Variants in PITRM1 observed in about 807,000 individuals in gnomAD.
PITRM1 encodes the protein presequence protease, mitochondrial.
PITRM1 carries 100 observed loss-of-function variants against 129.9 expected under a neutral mutation model. That is an observed-to-expected ratio of 0.77 (90% CI 0.65 to 0.91). The LOEUF (loss-of-function observed/expected upper bound fraction) is 0.91. Among genes scored for constraint, PITRM1 ranks in the 40% least tolerant of loss-of-function variants. The pLI, the probability that PITRM1 is intolerant of heterozygous loss-of-function variation, is 0.00. For synonymous variants in PITRM1, 591 were observed against 508.8 expected, an observed-to-expected ratio of 1.16 and a Z score of -2.17; for missense variants, 1,471 against 1,318.3, an observed-to-expected ratio of 1.12 and a Z score of -1.79.
chr10:3,140,280 C>T (rs1483585313), intron 24 of PITRM1, among the ~76,000 whole-genome samples: 6 of 152,214 alleles, frequency 3.9e-5, no homozygotes, highest in Admixed American at 3.9e-4. Context: ...CCGTAGACAG[C>T]GTCAGCTTTC....
At chr10:3,147,013 G>C in intron 20 of PITRM1, 137 bp downstream of exon 20, 2 of 514,550 alleles carry the variant, frequency 3.9e-6, no homozygotes, top group South Asian at 5.9e-5. Context: ...TAGTTTGTTA[G>C]AACACTTGAC....
chr10:3,144,272 G>A lies in PITRM1; in HGVS notation c.2532+20C>T, dbSNP rs761108688. The A allele has an allele frequency of 3.3e-5, 50 of 1,498,280 alleles. No individual in the cohort carries two copies. The highest frequency in any genetic ancestry group is 1.7e-4 in the Middle Eastern group (1 of 5,882). 92.8% of individuals were successfully genotyped at this position (1,498,280 alleles called of 1,614,324 possible). ...GGAAGCACCCACCCGCTGGCAACCC[G>A]GATGGGCTGTGGTTCTTACCATGAC... On this transcript the variant is annotated intron_variant, in intron 22 of 26. Transcript: ENST00000224949.
intron 13 of PITRM1, 27 bp downstream of exon 13, chr10:3,156,903 G>T (rs1338430041): frequency 1.4e-6 from 2 of 1,436,114 alleles, no homozygotes; most frequent in Non-Finnish European, 1.9e-6. Context: ...TTCAAAATTA[G>T]AGAAATGAAT....
chr10:3,167,316 C>A (rs185072073), intron 2 of PITRM1, among the ~76,000 whole-genome samples: 1 of 152,194 alleles, frequency 6.6e-6, no homozygotes. Flanking sequence ...CGAGAGCGCA[C>A]GCGCTTACTA....
Position 3,168,915 on chromosome 10 carries a change from TACACACACACACACACACACAC to T in PITRM1, c.159+1167_159+1188del, listed in dbSNP as rs61366911. ...CAGTCTAGGCAACAAAGTTTCCATC[TACACACACACACACACACACAC>T]ACACACACACACACACACACACACA... is the stretch of plus-strand genomic sequence containing the variant. On this transcript the variant is annotated intron_variant, in intron 2 of 26. Transcript: ENST00000224949. Among the ~76,000 whole-genome samples the T allele has an allele frequency of 4.7e-3, 673 of 142,944 alleles. 3 individuals are homozygous for T. Among genetic ancestry groups the T allele is most frequent in the Non-Finnish European group, 5.7e-3 (377 of 66,098 alleles). The allele number at this position is 142,944 out of a possible 152,430, so 93.8% of individuals were successfully genotyped here.
intron 18 of PITRM1, 97 bp downstream of exon 18, chr10:3,147,887 AAAC>A (rs1841068436): frequency 1.3e-5 from 16 of 1,208,058 alleles, no homozygotes; most frequent in South Asian, 7.8e-5. Flanking sequence ...CAGACTTGGA[AAAC>A]AACAACACAC....
intron 16 of PITRM1, 71 bp downstream of exon 16, chr10:3,149,550 T>C: frequency 1.4e-6 from 2 of 1,392,150 alleles, no homozygotes; most frequent in South Asian, 1.5e-5. Context: ...TTCCTACTGA[T>C]GCATTAGAAT....
intron 24 of PITRM1, among the ~76,000 whole-genome samples, chr10:3,139,889 G>A (rs1190362988): frequency 6.6e-6 from 1 of 152,134 alleles, no homozygotes; most frequent in African/African-American, 2.4e-5. Flanking sequence ...AGAAAATCAA[G>A]AATATTGCTT....
Position 3,166,283 on chromosome 10 carries a change from G to A in PITRM1, c.364C>T (p.Pro122Ser). 1.9e-6 allele frequency: 3 copies of A among 1,608,350 alleles called. No individual in the cohort carries two copies. The highest frequency in any genetic ancestry group is 2.5e-6 in the Non-Finnish European group (3 of 1,177,232). Residue 122 changes from proline (P) to serine (S), a missense_variant, in exon 4 of 27, where the codon CCT (proline) becomes TCT (serine). Coordinates refer to ENST00000224949, the MANE Select transcript of PITRM1 (RefSeq NM_014889.4). Reference sequence around the variant, plus strand: ...GACCGGTTCAACATTTTGAAGAAAGGGTCTCTGCACGGATATTTCTGAGAC... The same window carrying A: ...GACCGGTTCAACATTTTGAAGAAAGAGTCTCTGCACGGATATTTCTGAGAC... ...CGSQKYPCRD[P>S]FFKMLNRSLS...
chr10:3,137,876 T>A lies in PITRM1; in HGVS notation c.*155A>T, dbSNP rs1443562473. The A allele has an allele frequency of 1.7e-6, 1 of 604,826 alleles. No individual in the cohort carries two copies. Among genetic ancestry groups the A allele is most frequent in the Non-Finnish European group, 2.9e-6 (1 of 339,164 alleles). The allele number at this position is 604,826 out of a possible 1,614,324, so 37.5% of individuals were successfully genotyped here. A position where few individuals can be genotyped will look rare whatever the true frequency, so the allele number is the denominator to read the frequency against. On this transcript the variant is annotated 3_prime_UTR_variant, in exon 27 of 27. Coordinates refer to ENST00000224949, the MANE Select transcript of PITRM1 (RefSeq NM_014889.4). ...CAATGAACCTCTTCCTGGTCACTCT[T>A]AAGATAGATCTGAGTTTTTGACTCG...
rs1447203875 is a variant in PITRM1, at chr10:3,155,723, G to C, written c.1489C>G (p.Gln497Glu). Residue 497 changes from glutamine (Q) to glutamate (E), a missense_variant, in exon 14 of 27, where the codon CAG becomes GAG. Gln to Glu is a conservative substitution (Grantham distance 29). Coordinates refer to ENST00000224949, the MANE Select transcript of PITRM1 (RefSeq NM_014889.4). ...EKVKQYFKNN[Q>E]HKLTLSMRPD... The stretch of plus-strand genomic sequence containing the variant: ...CTCATCGATAAAGTCAGCTTATGCT[G>C]GTTATTCTGCAGCAATCACAGCAAC... 6.2e-7 allele frequency: 1 copy of C among 1,613,672 alleles called. No individual in the cohort carries two copies. The highest frequency in any genetic ancestry group is 1.7e-5 in the Admixed American group (1 of 60,012).
intron 21 of PITRM1, among the ~76,000 whole-genome samples, chr10:3,144,650 T>A (rs1479323507): frequency 6.6e-6 from 1 of 151,966 alleles, no homozygotes. Flanking sequence ...AAAAAATTTT[T>A]AAAAATTAGC....
At chr10:3,167,306 C>T (rs12571912) in intron 2 of PITRM1, among the ~76,000 whole-genome samples, 10,103 of 149,852 alleles carry the variant, frequency 0.067, 561 homozygotes, top group East Asian at 0.28. Context: ...CGAGCGAGCG[C>T]GAGAGCGCAC....
intron 16 of PITRM1, chr10:3,149,343 T>G: frequency 3.6e-6 from 1 of 281,370 alleles, no homozygotes; most frequent in Non-Finnish European, 6.6e-6. Flanking sequence ...CATTTTCGGA[T>G]TAAACCATCA....
Position 3,143,451 on chromosome 10 carries a change from G to T in PITRM1, c.2583C>A (p.Phe861Leu). Residue 861 changes from phenylalanine to leucine, a missense_variant, in exon 23 of 27, where the codon TTC (phenylalanine) becomes TTA (leucine). Transcript: ENST00000224949. ...WQMKTHFLMP[F>L]PVNYVGECIR... is the part of the protein sequence containing the mutation. ...TGCATTCACCCACGTAATTCACCGG[G>T]AAGGGCATCAGGAAGTGAGTCTTCA... 1 of 1,613,868 alleles carries T rather than the reference G, an allele frequency of 6.2e-7. No individual in the cohort carries two copies. Among genetic ancestry groups the T allele is most frequent in the Non-Finnish European group, 8.5e-7 (1 of 1,179,756 alleles).
intron 1 of PITRM1, chr10:3,172,043 A>C: frequency 3.0e-6 from 1 of 334,168 alleles, no homozygotes; most frequent in South Asian, 2.4e-5. Flanking sequence ...AGCAAATTTC[A>C]GAATTATGGG....
intron 12 of PITRM1, 153 bp downstream of exon 12, chr10:3,157,282 T>C: frequency 3.1e-6 from 2 of 639,222 alleles, no homozygotes; most frequent in Admixed American, 3.6e-5. Context: ...GCTGAAATAA[T>C]GTTTAGGAAA....
At position 3,148,296 on chromosome 10, in the gene PITRM1, C is replaced by G; in HGVS notation, c.1872-5G>C. ...TCAAGAAGGCCGCAGCCCAGCCTGA[C>G]ACAGCAGAGAAGCATCGCCCCGATT... is the stretch of plus-strand genomic sequence containing the variant. On this transcript the variant is annotated splice_polypyrimidine_tract_variant and splice_region_variant and intron_variant, in intron 16 of 26. Transcript: ENST00000224949. 6.2e-7 allele frequency: 1 copy of G among 1,604,194 alleles called. No individual in the cohort carries two copies. Among genetic ancestry groups the G allele is most frequent in the Non-Finnish European group, 8.5e-7 (1 of 1,175,250 alleles).
chr10:3,144,176 G>GGGAC (rs1440376706), intron 22 of PITRM1, 116 bp downstream of exon 22: 1 of 657,034 alleles, frequency 1.5e-6, no homozygotes, highest in African/African-American at 1.8e-5. Context: ...CGCAACTCTA[G>GGGAC]GGACACGCCA....
Sources: gnomAD v4.1 joint callset for allele counts (sites outside exome capture counted in the v4.1 genomes callset) on GRCh38, gnomAD v4.1.1 for gene constraint, MANE v1.5 for transcripts, NCBI Gene and HGNC (gene_info 2026-07-23, HGNC 2026-07-21) for gene names.